Variants in UTP20 observed in about 807,000 individuals in gnomAD.
The protein encoded by UTP20 is small subunit processome component 20 homolog.
UTP20 carries 164 observed loss-of-function variants against 329.5 expected under a neutral mutation model. That is an observed-to-expected ratio of 0.50 (90% CI 0.44 to 0.57). UTP20 has a LOEUF of 0.57. Among genes scored for constraint, UTP20 ranks in the 20% least tolerant of loss-of-function variants. The pLI, the probability that UTP20 is intolerant of heterozygous loss-of-function variation, is 0.00. For synonymous variants in UTP20, 1,151 were observed against 1,159.3 expected (o/e 0.99, Z 0.14); for missense variants, 3,055 against 3,284.2 (o/e 0.93, Z 1.71).
chr12:101,311,907 T>A, intron 20 of UTP20, 109 bp downstream of exon 20: 1 of 1,553,566 alleles, frequency 6.4e-7, no homozygotes. Flanking sequence ...AAACATATAT[T>A]ATCATGATAA....
In UTP20 at chr12:101,352,270, G is replaced by A. The variant is rs567603408; in HGVS notation, c.5024+76G>A. 410 of 1,457,122 alleles carry A rather than the reference G, an allele frequency of 2.8e-4. 5 individuals carry two copies. In the South Asian group the frequency reaches 5.1e-3, roughly 18 times the overall value. 90.3% of individuals were successfully genotyped at this position (1,457,122 alleles called of 1,614,324 possible). On this transcript the variant is annotated intron_variant, in intron 39 of 61. Transcript: ENST00000261637. The stretch of plus-strand genomic sequence containing the variant: ...CTGCATAGTATTCCATGGTATATAT[G>A]TGCCACATTTTCTTAATCCAGTCTA...
chr12:101,364,234 C>G (rs888670985), intron 45 of UTP20, among the ~76,000 whole-genome samples: 1 of 151,998 alleles, frequency 6.6e-6, no homozygotes, highest in Non-Finnish European at 1.5e-5. Context: ...ATAGCAAGAC[C>G]CTGTCTCTAT....
chr12:101,354,600 TTC>T (rs1273529605), intron 40 of UTP20, among the ~76,000 whole-genome samples: 1 of 152,188 alleles, frequency 6.6e-6, no homozygotes, highest in African/African-American at 2.4e-5. Flanking sequence ...CAGTTCTGTG[TTC>T]TTTTATAATC....
At chr12:101,383,493 G>T (rs1404873913) in intron 59 of UTP20, 50 bp from the exon 60 acceptor site, 3 of 1,590,162 alleles carry the variant, frequency 1.9e-6, no homozygotes, top group Admixed American at 3.5e-5. Flanking sequence ...GTCTATGATT[G>T]AGTGCTAAAG....
At chr12:101,381,022 TG>T in intron 57 of UTP20, 117 bp from the exon 58 acceptor site, 1 of 795,782 alleles carries the variant, frequency 1.3e-6, no homozygotes, top group Non-Finnish European at 2.1e-6. Context: ...TCTATACAGG[TG>T]GTCATTCAGA....
intron 49 of UTP20, among the ~76,000 whole-genome samples, chr12:101,370,174 A>C (rs938776549): frequency 7.9e-5 from 12 of 152,202 alleles, no homozygotes; most frequent in Non-Finnish European, 1.3e-4. Flanking sequence ...CTATGATCAC[A>C]TCACTGCACT....
chr12:101,362,927 G>GT (rs1308986009), intron 44 of UTP20, among the ~76,000 whole-genome samples: 2 of 132,416 alleles, frequency 1.5e-5, no homozygotes, highest in Non-Finnish European at 2.9e-5. Context: ...GAGACCAGGA[G>GT]TTTGAGACCA....
intron 43 of UTP20, among the ~76,000 whole-genome samples, chr12:101,358,033 A>G (rs771836305): frequency 2.0e-5 from 3 of 152,194 alleles, no homozygotes; most frequent in Non-Finnish European, 1.5e-5. Context: ...TGATGCTCAA[A>G]GAAAACAATT....
At chr12:101,324,679 T>C (rs1868497911) in intron 25 of UTP20, among the ~76,000 whole-genome samples, 3 of 152,222 alleles carry the variant, frequency 2.0e-5, no homozygotes, top group African/African-American at 7.2e-5. Flanking sequence ...CTGGTTTGTT[T>C]ATAATAACAA....
At chr12:101,307,294 TACACACACAC>T (rs35767250) in intron 17 of UTP20, among the ~76,000 whole-genome samples, 25 of 146,974 alleles carry the variant, frequency 1.7e-4, no homozygotes, top group Middle Eastern at 3.4e-3. Context: ...ACTTTTTGAA[TACACACACAC>T]ACACACACAC....
intron 29 of UTP20, among the ~76,000 whole-genome samples, chr12:101,335,966 C>CT (rs1380825330): frequency 2.6e-5 from 4 of 152,182 alleles, no homozygotes; most frequent in Non-Finnish European, 5.9e-5. Flanking sequence ...CCATGAAGGA[C>CT]TTTCATCCAG....
At chr12:101,311,523 A>G (rs1371918744) in intron 19 of UTP20, among the ~76,000 whole-genome samples, 196 bp from the exon 20 acceptor site, 1 of 152,184 alleles carries the variant, frequency 6.6e-6, no homozygotes, top group Non-Finnish European at 1.5e-5. Flanking sequence ...GTGCTTTATG[A>G]CTATAAAAAT....
At position 101,353,031 on chromosome 12, in the gene UTP20, CT is replaced by C. The variant is rs533658264; in HGVS notation, c.5025-6del. On this transcript the variant is annotated splice_polypyrimidine_tract_variant and intron_variant, in intron 39 of 61. Transcript: ENST00000261637. ...ATAATCAAATGAACATTTCTGTATA[CT>C]TTTTTTTTTAACAGTTTGCTAGTAA... 0.014 allele frequency: 18,217 copies of C among 1,310,098 alleles called. 146 individuals are homozygous for C. The highest frequency in any genetic ancestry group is 0.061 in the African/African-American group (4,076 of 66,654). 81.2% of individuals were successfully genotyped at this position (1,310,098 alleles called of 1,614,324 possible). A position where few individuals can be genotyped will look rare whatever the true frequency, so the allele number is the denominator to read the frequency against.
intron 32 of UTP20, 28 bp downstream of exon 32, chr12:101,340,638 G>C: frequency 6.9e-7 from 1 of 1,453,218 alleles, no homozygotes; most frequent in Non-Finnish European, 9.6e-7. Flanking sequence ...ACTTAACTTT[G>C]TCTCTAGAGT....
intron 14 of UTP20, among the ~76,000 whole-genome samples, chr12:101,301,527 G>T (rs1872522563): frequency 6.6e-6 from 1 of 151,850 alleles, no homozygotes. Flanking sequence ...AATTAGCTGG[G>T]TATGATAGCA....
In UTP20 at chr12:101,365,492, C is replaced by T. The variant is rs766476346; in HGVS notation, c.5992C>T (p.Arg1998Trp). ...AAATACCACGAGTTTGAAACTGGCCCGGAAAGTTCATGAAACTTTACGCCG... is the reference window on the plus strand; with the variant it reads ...AAATACCACGAGTTTGAAACTGGCCTGGAAAGTTCATGAAACTTTACGCCG... ...LQNTTSLKLARKVHETLRRIT... is the reference protein window; with the variant it reads ...LQNTTSLKLAWKVHETLRRIT... The change falls in exon 46 of 62, where the codon CGG becomes TGG. Residue 1998 changes from arginine (R) to tryptophan (W), a missense_variant. Arg to Trp is a moderately radical substitution (Grantham distance 101). Transcript: ENST00000261637. 1.9e-5 allele frequency: 30 copies of T among 1,609,174 alleles called. No individual in the cohort carries two copies. Among genetic ancestry groups the T allele is most frequent in the South Asian group, 6.7e-5 (6 of 89,640 alleles).
chr12:101,360,754 G>T (rs11110767), intron 43 of UTP20, among the ~76,000 whole-genome samples: 2,801 of 152,032 alleles, frequency 0.018, 51 homozygotes, highest in African/African-American at 0.049. Flanking sequence ...TCTTGAACCC[G>T]GGAGGCAGAG....
intron 31 of UTP20, 42 bp from the exon 32 acceptor site, chr12:101,340,481 C>A: frequency 8.1e-7 from 1 of 1,241,756 alleles, no homozygotes; most frequent in Non-Finnish European, 1.2e-6. Flanking sequence ...AGAGAAATAT[C>A]CTTGTATATG....
At chr12:101,325,680 G>A (rs1868530742) in intron 25 of UTP20, among the ~76,000 whole-genome samples, 1 of 152,228 alleles carries the variant, frequency 6.6e-6, no homozygotes, top group East Asian at 1.9e-4. Context: ...TGATGTACAA[G>A]CTGAACTAGC....
Sources: gnomAD v4.1 joint callset for allele counts (sites outside exome capture counted in the v4.1 genomes callset) on GRCh38, gnomAD v4.1.1 for gene constraint, MANE v1.5 for transcripts, NCBI Gene and HGNC (gene_info 2026-07-23, HGNC 2026-07-21) for gene names.